Variants in BRINP1 observed in about 807,000 individuals in gnomAD.
BRINP1 encodes BMP/retinoic acid-inducible neural-specific protein 1.
In BRINP1, 17 loss-of-function variants were observed where a neutral mutation model predicts 72.9. The observed-to-expected ratio is 0.23, with a 90% CI of 0.16 to 0.35. The LOEUF is 0.35. Ranked by LOEUF, BRINP1 falls within the 10% of genes least tolerant of loss-of-function variation. The pLI is 1.00. For synonymous variants in BRINP1, 418 were observed against 378.5 expected (o/e 1.10, Z -1.21); for missense variants, 850 against 1,001.6 (o/e 0.85, Z 2.04).
At chr9:119,321,621 C>A (rs925957235) in intron 1 of BRINP1, among the ~76,000 whole-genome samples, 1 of 152,128 alleles carries the variant, frequency 6.6e-6, no homozygotes, top group African/African-American at 2.4e-5. Context: ...ACTACAAGCA[C>A]GTGCCACCAT....
At chr9:119,170,123 T>C (rs1418823453) in intron 7 of BRINP1, among the ~76,000 whole-genome samples, 3 of 152,084 alleles carry the variant, frequency 2.0e-5, no homozygotes, top group Non-Finnish European at 4.4e-5. Flanking sequence ...GGAACAAAGC[T>C]GGATGGAGAA....
chr9:119,322,338 G>A (rs1293687306), intron 1 of BRINP1, among the ~76,000 whole-genome samples: 1 of 152,220 alleles, frequency 6.6e-6, no homozygotes, highest in Non-Finnish European at 1.5e-5. Context: ...GCCAACACTG[G>A]CTGTGGCGTG....
At chr9:119,236,787 CTTTTTT>C (rs1830196342) in intron 5 of BRINP1, among the ~76,000 whole-genome samples, 1 of 152,142 alleles carries the variant, frequency 6.6e-6, no homozygotes, top group Admixed American at 6.6e-5. Context: ...TCTGTCTACT[CTTTTTT>C]CTGTCTACTC....
intron 1 of BRINP1, among the ~76,000 whole-genome samples, chr9:119,338,515 GA>G (rs1455175759): frequency 4.8e-5 from 7 of 146,392 alleles, no homozygotes; most frequent in Admixed American, 3.5e-4. Context: ...CCGGTTTCTG[GA>G]ATTCAATCTT....
chr9:119,211,991 G>GTT (rs374043618), intron 6 of BRINP1, among the ~76,000 whole-genome samples: 3 of 148,240 alleles, frequency 2.0e-5, no homozygotes, highest in Admixed American at 6.7e-5. Flanking sequence ...AATTCCCTCT[G>GTT]TTTTTTTTTT....
Position 119,222,641 on chromosome 9 carries a change from C to G in BRINP1, c.686-8486G>C, listed in dbSNP as rs145421528. 3.8e-3 allele frequency among the ~76,000 whole-genome samples: 521 copies of G among 137,606 alleles called. 3 individuals carry two copies. Among genetic ancestry groups the G allele is most frequent in the African/African-American group, 0.014 (501 of 34,980 alleles). 90.3% of individuals were successfully genotyped at this position (137,606 alleles called of 152,430 possible). On this transcript the variant is annotated intron_variant, in intron 5 of 7. Transcript: ENST00000265922. ...CAAGGAACTAGGAAAGGCAAGGACA[C>G]AATCCTTGCTGTCATGGAACCTACC...
chr9:119,169,254 G>GCAGGT (rs1829367578), intron 7 of BRINP1, among the ~76,000 whole-genome samples: 1 of 152,196 alleles, frequency 6.6e-6, no homozygotes, highest in African/African-American at 2.4e-5. Context: ...GACAGTGGGC[G>GCAGGT]CAGGTCATTG....
chr9:119,198,481 TAG>T (rs545454808), intron 7 of BRINP1, among the ~76,000 whole-genome samples: 33 of 152,328 alleles, frequency 2.2e-4, no homozygotes, highest in Admixed American at 4.6e-4. Context: ...TCTGTCAGAC[TAG>T]AGAGTCTGAA....
At chr9:119,290,518 T>A (rs1830810604) in intron 2 of BRINP1, among the ~76,000 whole-genome samples, 1 of 152,130 alleles carries the variant, frequency 6.6e-6, no homozygotes, top group African/African-American at 2.4e-5. Flanking sequence ...GGAAGGAGAA[T>A]CAGGATTCTG....
Position 119,296,572 on chromosome 9 carries a change from C to T in BRINP1, c.218+16566G>A, listed in dbSNP as rs1263205646. On this transcript the variant is annotated intron_variant, in intron 2 of 7. Transcript: ENST00000265922. ...GAAGAGCTATCTGCATTCTCATGTC[C>T]ATTGCAGAGTTTCTCACAATAACCA... Among the ~76,000 whole-genome samples, 4 of 152,296 alleles carry T rather than the reference C, an allele frequency of 2.6e-5. 1 individual carries two copies. The highest frequency in any genetic ancestry group is 4.1e-4 in the South Asian group (2 of 4,832).
intron 2 of BRINP1, among the ~76,000 whole-genome samples, chr9:119,280,848 T>A (rs946122168): frequency 6.6e-6 from 1 of 152,176 alleles, no homozygotes; most frequent in African/African-American, 2.4e-5. Context: ...GAGATTTATT[T>A]AATTCTGAAA....
At chr9:119,354,876 A>T (rs1288217044) in intron 1 of BRINP1, among the ~76,000 whole-genome samples, 2 of 152,150 alleles carry the variant, frequency 1.3e-5, no homozygotes, top group East Asian at 3.9e-4. Context: ...CTCAGAGAAA[A>T]AACGTAAGTA....
intron 4 of BRINP1, among the ~76,000 whole-genome samples, chr9:119,241,455 C>T (rs991076660): frequency 1.3e-5 from 2 of 152,174 alleles, no homozygotes; most frequent in African/African-American, 4.8e-5. Flanking sequence ...ATACAGCCCA[C>T]CATGCCTAAA....
At chr9:119,170,263 A>AACCAATACAGAGAAGTGCTTAAAGGAGCT (rs1461293867) in intron 7 of BRINP1, among the ~76,000 whole-genome samples, 1 of 152,014 alleles carries the variant, frequency 6.6e-6, no homozygotes, top group African/African-American at 2.4e-5. Context: ...TAACTAGAAT[A>AACCAATACAGAGAAGTGCTTAAAGGAGCT]ACCAATACAG....
intron 7 of BRINP1, among the ~76,000 whole-genome samples, chr9:119,207,240 G>T (rs1829868003): frequency 1.3e-5 from 2 of 152,182 alleles, no homozygotes; most frequent in African/African-American, 4.8e-5. Context: ...ACCTCATCGG[G>T]GTAATTAGGT....
At chr9:119,177,195 C>T (rs1173125878) in intron 7 of BRINP1, among the ~76,000 whole-genome samples, 2 of 152,186 alleles carry the variant, frequency 1.3e-5, no homozygotes, top group Non-Finnish European at 2.9e-5. Flanking sequence ...ACTTCTACCT[C>T]TCCCCTCAGG....
intron 7 of BRINP1, among the ~76,000 whole-genome samples, chr9:119,206,383 G>A (rs112180752): frequency 0.011 from 1,535 of 134,870 alleles, 27 homozygotes; most frequent in African/African-American, 0.042. Flanking sequence ...TAGCGACACT[G>A]CACTCTAGCC....
At chr9:119,255,076 A>G (rs1830432668) in intron 2 of BRINP1, among the ~76,000 whole-genome samples, 1 of 152,178 alleles carries the variant, frequency 6.6e-6, no homozygotes. Flanking sequence ...GCAACATGCC[A>G]CCTTAAAAAA....
chr9:119,204,080 C>G (rs554662223), intron 7 of BRINP1, among the ~76,000 whole-genome samples: 1 of 152,258 alleles, frequency 6.6e-6, no homozygotes, highest in African/African-American at 2.4e-5. Context: ...AAGTCCAGTC[C>G]CCGTGGAGAG....
Sources: allele counts gnomAD v4.1 joint callset (sites outside exome capture counted in the v4.1 genomes callset), GRCh38; gene constraint gnomAD v4.1.1; transcripts MANE v1.5; gene names NCBI Gene and HGNC (gene_info 2026-07-23, HGNC 2026-07-21).